MEGF6: variants seen among roughly 807,000 people sequenced by gnomAD.
MEGF6 encodes multiple epidermal growth factor-like domains protein 6.
A neutral mutation model predicts 207.1 loss-of-function variants in MEGF6; 184 were observed. The ratio of observed to expected loss-of-function variants is 0.89; its 90% CI spans 0.79 to 1.00. The LOEUF (loss-of-function observed/expected upper bound fraction) is 1.00, where lower values mean the gene tolerates loss of function less well. Ranked by LOEUF, MEGF6 falls within the 50% of genes least tolerant of loss-of-function variation. The probability of loss-of-function intolerance (pLI) is 0.00; values close to 1 mark genes in which losing one functional copy is unlikely to be tolerated. For missense variants in MEGF6, 2,282 were observed against 2,202.9 expected, an observed-to-expected ratio of 1.04 and a Z score of -0.72; for synonymous variants, 1,038 against 910.0, an observed-to-expected ratio of 1.14 and a Z score of -2.53.
At position 3,602,568 on chromosome 1, in the gene MEGF6, A is replaced by G; in HGVS notation, c.164T>C (p.Leu55Pro). 6.2e-7 allele frequency: 1 copy of G among 1,612,068 alleles called. No individual in the cohort carries two copies. Among genetic ancestry groups the G allele is most frequent in the Non-Finnish European group, 8.5e-7 (1 of 1,179,524 alleles). ...PHVCAEQELTLVGRRQPCVQA... is the reference protein window; with the variant it reads ...PHVCAEQELTPVGRRQPCVQA... ...CACGCACGGCTGGCGGCGGCCCACCAGGGTCAGCTCCTGCTCAGCACACAC... is the reference window on the plus strand; with the variant it reads ...CACGCACGGCTGGCGGCGGCCCACCGGGGTCAGCTCCTGCTCAGCACACAC... Residue 55 changes from leucine to proline, a missense_variant, in exon 2 of 37, where the codon CTG becomes CCG. By Grantham distance (98) the Leu-to-Pro change is moderately conservative. Transcript: ENST00000356575.
chr1:3,500,417 C>T (rs1640805358), intron 21 of MEGF6, among the ~76,000 whole-genome samples: 1 of 152,254 alleles, frequency 6.6e-6, no homozygotes, highest in South Asian at 2.1e-4. Flanking sequence ...TCAGGAAAGG[C>T]AGAGGAAGCC....
intron 4 of MEGF6, among the ~76,000 whole-genome samples, chr1:3,551,665 C>A (rs1247125681): frequency 6.6e-6 from 1 of 152,108 alleles, no homozygotes; most frequent in African/African-American, 2.4e-5. Context: ...GGAGACAGCA[C>A]CCCGCCAACC....
chr1:3,564,842 C>T (rs145061601), intron 4 of MEGF6, among the ~76,000 whole-genome samples: 34 of 152,294 alleles, frequency 2.2e-4, no homozygotes, highest in African/African-American at 7.9e-4. Context: ...CACAGACAGA[C>T]CTCCCCTCCT....
intron 2 of MEGF6, among the ~76,000 whole-genome samples, chr1:3,598,564 C>A (rs567473586): frequency 3.2e-4 from 49 of 152,304 alleles, no homozygotes; most frequent in African/African-American, 1.1e-3. Flanking sequence ...CCGCTGACCA[C>A]CCCCTCCATC....
chr1:3,606,737 C>T (rs1198925588), intron 1 of MEGF6, among the ~76,000 whole-genome samples: 1 of 152,212 alleles, frequency 6.6e-6, no homozygotes, highest in Non-Finnish European at 1.5e-5. Flanking sequence ...TTACCCACGG[C>T]GAGCCCTGGG....
intron 1 of MEGF6, among the ~76,000 whole-genome samples, chr1:3,609,379 CAGGCACGTGCCAG>C: frequency 6.6e-6 from 1 of 152,376 alleles, no homozygotes; most frequent in East Asian, 1.9e-4. Flanking sequence ...GCTGCACGTC[CAGGCACGTGCCAG>C]GTGCTTACAG....
chr1:3,566,642 A>G (rs1023427750), intron 4 of MEGF6, among the ~76,000 whole-genome samples: 14 of 152,158 alleles, frequency 9.2e-5, no homozygotes, highest in African/African-American at 1.7e-4. Context: ...CCTTCCCCCA[A>G]CGCACTTCAC....
At chr1:3,543,378 C>T (rs559392113) in intron 4 of MEGF6, among the ~76,000 whole-genome samples, 39 of 152,348 alleles carry the variant, frequency 2.6e-4, no homozygotes, top group Non-Finnish European at 4.0e-4. Context: ...TGCTCACTCT[C>T]GGCTGCCGGC....
chr1:3,521,799 G>A (rs189355158), intron 5 of MEGF6, among the ~76,000 whole-genome samples: 4 of 152,278 alleles, frequency 2.6e-5, no homozygotes, highest in African/African-American at 9.6e-5. Flanking sequence ...CGCACAGCTC[G>A]CACACAGAGG....
rs57484147 is a variant in MEGF6, at chr1:3,490,548, C to G, written c.4606G>C (p.Gly1536Arg). 1 of 1,613,300 alleles carries G rather than the reference C, an allele frequency of 6.2e-7. No individual in the cohort carries two copies. The highest frequency in any genetic ancestry group is 8.5e-7 in the Non-Finnish European group (1 of 1,179,890). The part of the protein sequence containing the change: ...PASSRPTSRS[G>R]GPARH ...CTCTACTAGTGCCTCGCTGGTCCAC[C>G]GCTCCGGGATGTGGGTCTGCTGGAG... is the stretch of plus-strand genomic sequence containing the variant. Residue 1536 changes from glycine to arginine, a missense_variant, in exon 37 of 37, where the codon GGT becomes CGT. Physicochemically the swap from Gly to Arg is moderately radical, Grantham distance 125 (BLOSUM62 -2). Coordinates refer to ENST00000356575, the MANE Select transcript of MEGF6 (RefSeq NM_001409.4).
rs1641404007 is a variant in MEGF6 at position 3,512,903 on chromosome 1, C to T, written c.854-775G>A. Among the ~76,000 whole-genome samples the T allele has an allele frequency of 2.6e-5, 4 of 152,206 alleles. No individual in the cohort carries two copies. The South Asian group carries it at 8.3e-4, about 31-fold the overall frequency. On this transcript the variant is annotated intron_variant, in intron 7 of 36. Coordinates refer to ENST00000356575, the MANE Select transcript of MEGF6 (RefSeq NM_001409.4). ...CTGTGGACCACTGGGGCAGTGGCAG[C>T]CCGACCCCTCCCCAAGGCTGCTTGG...
chr1:3,557,662 A>G (rs935838971), intron 4 of MEGF6, among the ~76,000 whole-genome samples: 1 of 152,224 alleles, frequency 6.6e-6, no homozygotes, highest in African/African-American at 2.4e-5. Context: ...TCACTCCCAC[A>G]GCCAGCGCTG....
chr1:3,615,486 T>C (rs1644370089), upstream of MEGF6, among the ~76,000 whole-genome samples: 1 of 152,212 alleles, frequency 6.6e-6, no homozygotes, highest in South Asian at 2.1e-4. Flanking sequence ...AGTTCCATCC[T>C]AAACACCTTT....
chr1:3,618,218 G>A, the MEGF6 span, among the ~76,000 whole-genome samples: 10 of 152,284 alleles, frequency 6.6e-5, no homozygotes, highest in South Asian at 2.1e-4. The surrounding 1 kb of genome is among the most constrained non-coding windows in gnomAD (Gnocchi z 4.7). Context: ...AGGTCAGAGC[G>A]GTGTGGGCCG....
intron 4 of MEGF6, among the ~76,000 whole-genome samples, chr1:3,532,484 G>A (rs923178765): frequency 1.3e-5 from 2 of 152,226 alleles, no homozygotes; most frequent in Non-Finnish European, 2.9e-5. Flanking sequence ...CAGCACTGGC[G>A]GTGAGGGTCC....
At chr1:3,604,192 C>T (rs1199556748) in intron 1 of MEGF6, among the ~76,000 whole-genome samples, 1 of 152,192 alleles carries the variant, frequency 6.6e-6, no homozygotes, top group Non-Finnish European at 1.5e-5. Context: ...CTGGACATGT[C>T]CTGCCCATGA....
chr1:3,595,003 G>A (rs1011592559), intron 3 of MEGF6, among the ~76,000 whole-genome samples: 5 of 151,992 alleles, frequency 3.3e-5, no homozygotes, highest in South Asian at 2.1e-4. Flanking sequence ...GGTAAACCCC[G>A]AACTAGGCTC....
In MEGF6 at chr1:3,502,214, C is replaced by G. The variant is rs528942875; in HGVS notation, c.2189-293G>C. On this transcript the variant is annotated intron_variant, in intron 17 of 36. Transcript: ENST00000356575. ...AAGGGAGGAGTGAAAGGGGAGCTGACGGATGGGAGGAGAGGGGAGGGGCAG... is the reference window on the plus strand; with the variant it reads ...AAGGGAGGAGTGAAAGGGGAGCTGAGGGATGGGAGGAGAGGGGAGGGGCAG... Among the ~76,000 whole-genome samples, 179 of 152,094 alleles carry G rather than the reference C, an allele frequency of 1.2e-3. 2 individuals are homozygous for G. The highest frequency in any genetic ancestry group is 4.2e-3 in the African/African-American group (174 of 41,460).
chr1:3,581,452 A>T (rs1643796566), intron 3 of MEGF6, among the ~76,000 whole-genome samples: 1 of 152,156 alleles, frequency 6.6e-6, no homozygotes, highest in South Asian at 2.1e-4. Flanking sequence ...GGGAAGCCGG[A>T]TGGAAGTTGC....
Sources: gnomAD v4.1 joint callset for allele counts (sites outside exome capture counted in the v4.1 genomes callset) on GRCh38, gnomAD v4.1.1 for gene constraint, Gnocchi (gnomAD v3.1) non-coding constraint, MANE v1.5 for transcripts, NCBI Gene and HGNC (gene_info 2026-07-23, HGNC 2026-07-21) for gene names.